Variants in ADH4 observed in about 807,000 individuals in gnomAD.
ADH4 encodes the protein all-trans-retinol dehydrogenase [NAD(+)] ADH4.
ADH4 carries 31 observed loss-of-function variants against 35.2 expected under a neutral mutation model. The ratio of observed to expected loss-of-function variants is 0.88; its 90% CI spans 0.66 to 1.19. The LOEUF (loss-of-function observed/expected upper bound fraction) is 1.19. Among genes scored for constraint, ADH4 ranks in the 50% most tolerant of loss-of-function variants. ADH4 has a pLI of 0.00. For synonymous variants in ADH4, 171 were observed against 160.2 expected (o/e 1.07, Z -0.51); for missense variants, 476 against 458.3 (o/e 1.04, Z -0.35).
In ADH4 at chr4:99,127,130, C is replaced by A. The variant is rs187103819; in HGVS notation, c.979+79G>T. The A allele has an allele frequency of 6.4e-4, 790 of 1,226,400 alleles. 7 individuals are homozygous for A. The African/African-American group carries it at 0.011, about 17-fold the overall frequency. The allele number at this position is 1,226,400 out of a possible 1,614,324, so 76.0% of individuals were successfully genotyped here. On this transcript the variant is annotated intron_variant, in intron 7 of 8. Transcript: ENST00000265512. ...ATGGTTGAATAAATTATTTTTATTTCTTTTCAATAACCTTCACTCTAAGAA... is the reference window on the plus strand; with the variant it reads ...ATGGTTGAATAAATTATTTTTATTTATTTTCAATAACCTTCACTCTAAGAA...
chr4:99,142,818 T>G, intron 1 of ADH4, 38 bp from the exon 2 acceptor site: 2 of 1,515,386 alleles, frequency 1.3e-6, no homozygotes, highest in Non-Finnish European at 1.8e-6. Flanking sequence ...GAGATAGAGA[T>G]AGAGATTTTG....
intron 4 of ADH4, 150 bp from the exon 5 acceptor site, chr4:99,136,847 C>A: frequency 1.7e-6 from 1 of 592,456 alleles, no homozygotes; most frequent in Non-Finnish European, 2.9e-6. Context: ...AGACTTTTCA[C>A]AAAATATAGT....
At chr4:99,144,053 C>T (rs577940907) in intron 1 of ADH4, 152 bp downstream of exon 1, 2 of 779,502 alleles carry the variant, frequency 2.6e-6, no homozygotes. Flanking sequence ...GTTAATTTCC[C>T]TAGAATAAAT....
intron 3 of ADH4, among the ~76,000 whole-genome samples, chr4:99,139,359 A>C (rs1192732194): frequency 6.6e-6 from 1 of 152,232 alleles, no homozygotes; most frequent in Non-Finnish European, 1.5e-5. Context: ...TCTGCTAGGC[A>C]GTCCAGCAAC....
At chr4:99,143,280 C>T (rs960501891) in intron 1 of ADH4, 1 of 699,778 alleles carries the variant, frequency 1.4e-6, no homozygotes, top group Non-Finnish European at 2.6e-6. Flanking sequence ...GATGAAAGCC[C>T]TGCCTCAAAT....
At chr4:99,143,014 T>TTA in intron 1 of ADH4, 1 of 557,114 alleles carries the variant, frequency 1.8e-6, no homozygotes, top group Non-Finnish European at 3.0e-6. Flanking sequence ...TTTTATTTCT[T>TTA]GAAAAAAAAA....
chr4:99,143,415 T>C (rs1729700945), intron 1 of ADH4: 2 of 402,544 alleles, frequency 5.0e-6, no homozygotes, highest in Admixed American at 3.9e-5. Flanking sequence ...TTTCATCTAA[T>C]TGTAAGAATT....
chr4:99,142,856 T>A, intron 1 of ADH4, 76 bp from the exon 2 acceptor site: 1 of 1,032,338 alleles, frequency 9.7e-7, no homozygotes, highest in Non-Finnish European at 1.4e-6. Context: ...AGAGAGGAGA[T>A]CATGAGAAAA....
rs763541504 is a variant in ADH4 at position 99,139,071 on chromosome 4, C to T, written c.340G>A (p.Gly114Arg). The T allele has an allele frequency of 1.6e-5, 25 of 1,612,228 alleles. No homozygotes were observed. The South Asian group carries it at 2.5e-4, about 16-fold the overall frequency. ...GTGTAGAGTGCTTACCTGATTTTCC[C>T]ACACAAATTTGTGAGTGGACTCAGA... The part of the protein sequence containing the change: ...FCLSPLTNLC[G>R]KISNLKSPAS... Residue 114 changes from glycine (G) to arginine (R), a missense_variant, in exon 4 of 9, where the codon GGG becomes AGG. Coordinates refer to ENST00000265512, the MANE Select transcript of ADH4 (RefSeq NM_000670.5).
At chr4:99,138,763 G>A (rs1045740637) in intron 4 of ADH4, among the ~76,000 whole-genome samples, 1 of 152,048 alleles carries the variant, frequency 6.6e-6, no homozygotes, top group African/African-American at 2.4e-5. Context: ...CTCAAGTTTA[G>A]CCATTTTTAT....
chr4:99,136,562 A>G lies in ADH4; in HGVS notation c.486T>C (p.Asn162=). 1 of 1,614,182 alleles carries G rather than the reference A, an allele frequency of 6.2e-7. No homozygotes were observed. Among genetic ancestry groups the G allele is most frequent in the Non-Finnish European group, 8.5e-7 (1 of 1,180,020 alleles). The change falls in exon 5 of 9, where the codon AAT becomes AAC. Residue 162 remains asparagine (N), a synonymous_variant. Coordinates refer to ENST00000265512, the MANE Select transcript of ADH4 (RefSeq NM_000670.5). ...TTGCATCATCATCTATTTTGGCAAGATTGATATCTGACACCACAGTGTACT... is the reference window on the plus strand; with the variant it reads ...TTGCATCATCATCTATTTTGGCAAGGTTGATATCTGACACCACAGTGTACT... ...FSQYTVVSDI[N]LAKIDDDANL...
intron 6 of ADH4, among the ~76,000 whole-genome samples, chr4:99,128,371 G>A (rs1020886310): frequency 2.6e-5 from 4 of 152,220 alleles, no homozygotes; most frequent in African/African-American, 9.6e-5. Context: ...AGGAGGTGGA[G>A]GTTGCGGTGA....
At position 99,136,659 on chromosome 4, in the gene ADH4, T is replaced by C. The variant is rs1472370504; in HGVS notation, c.389A>G (p.Glu130Gly). Reference protein sequence around the residue: ...KSPASDQQLMEDKTSRFTCKG... With the variant: ...KSPASDQQLMGDKTSRFTCKG... ...GCAGGTAAACCTGCTGGTTTTGTCT[T>C]CCATTAGTTGTTGATCACTAGCAGG... Residue 130 changes from glutamate (E) to glycine (G), a missense_variant, in exon 5 of 9, where the codon GAA becomes GGA. Glu to Gly is a moderately conservative substitution (Grantham distance 98). Coordinates refer to ENST00000265512, the MANE Select transcript of ADH4 (RefSeq NM_000670.5). The C allele has an allele frequency of 8.1e-6, 13 of 1,614,036 alleles. No homozygotes were observed. The highest frequency in any genetic ancestry group is 9.3e-6 in the Non-Finnish European group (11 of 1,179,970).
chr4:99,124,824 G>A (rs935470944), intron 8 of ADH4, among the ~76,000 whole-genome samples: 4 of 152,116 alleles, frequency 2.6e-5, no homozygotes, highest in African/African-American at 9.7e-5. Context: ...GTTGAGCATT[G>A]AAGGAGGGAG....
chr4:99,141,595 C>T lies in ADH4; in HGVS notation c.208G>A (p.Glu70Lys), dbSNP rs61754857. The T allele has an allele frequency of 7.4e-5, 119 of 1,613,916 alleles. No individual in the cohort carries two copies. The highest frequency in any genetic ancestry group is 9.7e-5 in the Non-Finnish European group (114 of 1,180,008). The change falls in exon 3 of 9, where the codon GAG becomes AAG. Residue 70 changes from glutamate (E) to lysine (K), a missense_variant. Physicochemically the swap from Glu to Lys is moderately conservative, Grantham distance 56. Transcript: ENST00000265512. ...GLAFPVIVGH[E>K]AAGIVESIGP... Reference sequence around the variant, plus strand: ...ATACTTTCCACAATACCTGCAGCCTCATGGCCAACGATCACTGGGAAAGCT... The same window carrying T: ...ATACTTTCCACAATACCTGCAGCCTTATGGCCAACGATCACTGGGAAAGCT...
At chr4:99,134,724 T>C (rs181033748) in intron 5 of ADH4, among the ~76,000 whole-genome samples, 1 of 151,846 alleles carries the variant, frequency 6.6e-6, no homozygotes, top group East Asian at 1.9e-4. Context: ...AGTAATTGTG[T>C]GCGTAAATAC....
intron 6 of ADH4, 152 bp from the exon 7 acceptor site, chr4:99,127,496 A>G: frequency 3.5e-6 from 2 of 575,888 alleles, no homozygotes; most frequent in Non-Finnish European, 5.7e-6. Context: ...ATCATTGTAG[A>G]TTGAGCCTTG....
intron 4 of ADH4, 122 bp downstream of exon 4, chr4:99,138,939 C>T: frequency 1.5e-6 from 1 of 652,962 alleles, no homozygotes; most frequent in East Asian, 2.8e-5. Context: ...CTTGTACACA[C>T]CTAGGATTAG....
At chr4:99,137,929 CT>C (rs28987089) in intron 4 of ADH4, among the ~76,000 whole-genome samples, 31,963 of 152,074 alleles carry the variant, frequency 0.21, 4,035 homozygotes, top group Non-Finnish European at 0.28. Context: ...TTCTCCCTCT[CT>C]TTTTCCCCTT....
Sources: gnomAD v4.1 joint callset for allele counts (sites outside exome capture counted in the v4.1 genomes callset) on GRCh38, gnomAD v4.1.1 for gene constraint, MANE v1.5 for transcripts, NCBI Gene and HGNC (gene_info 2026-07-23, HGNC 2026-07-21) for gene names.